Variants in SEC63 observed in about 807,000 individuals in gnomAD.
The protein encoded by SEC63 is translocation protein SEC63 homolog.
Under a neutral mutation model 116.2 loss-of-function variants are expected in SEC63, and 56 were observed. That is an observed-to-expected ratio of 0.48 (90% CI 0.39 to 0.60). The LOEUF (loss-of-function observed/expected upper bound fraction) is 0.60. SEC63 is among the 20% of genes least tolerant of loss of function. The pLI, the probability that SEC63 is intolerant of heterozygous loss-of-function variation, is 0.00. For synonymous variants in SEC63, 273 were observed against 294.6 expected, an observed-to-expected ratio of 0.93 and a Z score of 0.75; for missense variants, 668 against 900.0, an observed-to-expected ratio of 0.74 and a Z score of 3.30.
intron 4 of SEC63, among the ~76,000 whole-genome samples, chr6:107,920,518 AC>A (rs1787531879): frequency 6.6e-6 from 1 of 152,100 alleles, no homozygotes; most frequent in African/African-American, 2.4e-5. Context: ...GCAGTAGGAA[AC>A]AAAAAAATTT....
rs540505817 is a variant in SEC63, at chr6:107,879,563, G to A, written c.1935+1586C>T. 2.6e-5 allele frequency among the ~76,000 whole-genome samples: 4 copies of A among 152,210 alleles called. No homozygotes were observed. The South Asian group carries it at 8.3e-4, about 32-fold the overall frequency. ...TGGTCTCAAACTCCTGACCTCAGGT[G>A]ATCCACCCACCTCGTCCCCACAAAG... On this transcript the variant is annotated intron_variant, in intron 18 of 20. Transcript: ENST00000369002.
chr6:107,903,859 C>T lies in SEC63; in HGVS notation c.1054+770G>A, dbSNP rs138008423. ...ACAATAAAATAATTAAATTATCATG[C>T]CTGTAATCACAGCACTTTGGGAGGC... On this transcript the variant is annotated intron_variant, in intron 11 of 20. Transcript: ENST00000369002. Among the ~76,000 whole-genome samples the T allele has an allele frequency of 1.8e-3, 280 of 152,228 alleles. 1 individual carries two copies. Among genetic ancestry groups the T allele is most frequent in the African/African-American group, 6.1e-3 (254 of 41,526 alleles).
At chr6:107,875,168 G>C (rs1254301148) in intron 19 of SEC63, among the ~76,000 whole-genome samples, 1 of 152,068 alleles carries the variant, frequency 6.6e-6, no homozygotes, top group Non-Finnish European at 1.5e-5. Flanking sequence ...CCAGCCCAAG[G>C]CCCTGGTTCT....
intron 6 of SEC63, 86 bp downstream of exon 6, chr6:107,912,630 A>C (rs975556974): frequency 1.3e-4 from 103 of 787,324 alleles, no homozygotes; most frequent in Non-Finnish European, 2.2e-4. Flanking sequence ...TCTTTGTAAT[A>C]GTTCTTCTTG....
intron 3 of SEC63, among the ~76,000 whole-genome samples, chr6:107,924,312 C>T (rs1169726683): frequency 6.7e-6 from 1 of 150,170 alleles, no homozygotes; most frequent in Non-Finnish European, 1.5e-5. Context: ...GGCGCGGTGG[C>T]TCACGCCTGT....
At chr6:107,921,936 A>C in intron 3 of SEC63, 27 bp from the exon 4 acceptor site, 1 of 1,318,746 alleles carries the variant, frequency 7.6e-7, no homozygotes, top group Non-Finnish European at 1.1e-6. Flanking sequence ...AAAAAAAACA[A>C]GCTTTCTGTT....
intron 16 of SEC63, among the ~76,000 whole-genome samples, chr6:107,893,173 C>G (rs1341463738): frequency 2.7e-5 from 4 of 149,014 alleles, no homozygotes; most frequent in Non-Finnish European, 4.4e-5. Context: ...ACTACTGCTA[C>G]AAACAATACA....
chr6:107,957,788 G>A, intron 1 of SEC63, 98 bp downstream of exon 1: 1 of 1,268,544 alleles, frequency 7.9e-7, no homozygotes, highest in Non-Finnish European at 1.0e-6. Context: ...CTGTCATCCC[G>A]GACGCCGCGG....
At chr6:107,912,500 G>A (rs546925564) in intron 6 of SEC63, among the ~76,000 whole-genome samples, 13 of 152,248 alleles carry the variant, frequency 8.5e-5, no homozygotes, top group Admixed American at 2.0e-4. Flanking sequence ...CAGGAGAATC[G>A]CTTGAACCCA....
At chr6:107,883,251 T>C in intron 16 of SEC63, 105 bp from the exon 17 acceptor site, 1 of 1,382,086 alleles carries the variant, frequency 7.2e-7, no homozygotes, top group Non-Finnish European at 1.0e-6. Flanking sequence ...ACTGACTCGA[T>C]GACAATTTCA....
chr6:107,904,132 A>AG (rs1210409357), intron 11 of SEC63, among the ~76,000 whole-genome samples: 3 of 132,558 alleles, frequency 2.3e-5, no homozygotes, highest in Admixed American at 1.5e-4. Context: ...AAAAAAAAAA[A>AG]CAAGAATTAA....
chr6:107,925,960 AGCACAT>A (rs1379066091), intron 2 of SEC63, among the ~76,000 whole-genome samples: 1 of 152,126 alleles, frequency 6.6e-6, no homozygotes, highest in African/African-American at 2.4e-5. Flanking sequence ...TGAAACTACA[AGCACAT>A]GCCACCACAC....
intron 1 of SEC63, among the ~76,000 whole-genome samples, chr6:107,952,413 A>G (rs1757026264): frequency 6.6e-6 from 1 of 152,168 alleles, no homozygotes. Context: ...TTAAAAATTG[A>G]AAGTCCCAAA....
In SEC63 at chr6:107,871,144, G is replaced by A. The variant is rs1035288375; in HGVS notation, c.*560C>T. ...TCCAAAACGTAGCCCTCTATATCAT[G>A]TGGAATGTGAGAGAATGCCAACTTA... is the stretch of plus-strand genomic sequence containing the variant. On this transcript the variant is annotated 3_prime_UTR_variant, in exon 21 of 21. Coordinates refer to ENST00000369002, the MANE Select transcript of SEC63 (RefSeq NM_007214.5). The A allele has an allele frequency of 1.3e-5, 2 of 159,042 alleles. No individual in the cohort carries two copies. The highest frequency in any genetic ancestry group is 4.8e-5 in the African/African-American group (2 of 41,476). The allele number at this position is 159,042 out of a possible 1,614,324, so 9.9% of individuals were successfully genotyped here.
intron 18 of SEC63, 96 bp from the exon 19 acceptor site, chr6:107,876,758 C>G: frequency 1.3e-6 from 1 of 755,760 alleles, no homozygotes; most frequent in Non-Finnish European, 2.3e-6. Flanking sequence ...TCTTAGAGAT[C>G]CTCTGCACTG....
intron 18 of SEC63, among the ~76,000 whole-genome samples, chr6:107,880,225 A>C (rs1222392964): frequency 1.3e-5 from 2 of 152,216 alleles, no homozygotes; most frequent in Non-Finnish European, 2.9e-5. Context: ...TTACTAAGAG[A>C]GCCAAATTAT....
chr6:107,924,705 A>G (rs1787636016), intron 3 of SEC63, 113 bp downstream of exon 3: 1 of 666,962 alleles, frequency 1.5e-6, no homozygotes. Flanking sequence ...TTAATAAACA[A>G]ACTGACCAAA....
intron 16 of SEC63, among the ~76,000 whole-genome samples, chr6:107,887,601 G>A (rs1786563469): frequency 6.6e-6 from 1 of 151,444 alleles, no homozygotes; most frequent in African/African-American, 2.4e-5. Flanking sequence ...ACTGTTGTGG[G>A]GTGGGGGAAG....
chr6:107,883,337 T>C, intron 16 of SEC63, 191 bp from the exon 17 acceptor site: 1 of 612,388 alleles, frequency 1.6e-6, no homozygotes, highest in African/African-American at 1.8e-5. Flanking sequence ...AAGAGTTTAA[T>C]ATCTGGCTAG....
Sources: allele counts gnomAD v4.1 joint callset (sites outside exome capture counted in the v4.1 genomes callset), GRCh38; gene constraint gnomAD v4.1.1; transcripts MANE v1.5; gene names NCBI Gene and HGNC (gene_info 2026-07-23, HGNC 2026-07-21).